Variants in TGFB2 observed in about 807,000 individuals in gnomAD.
The protein encoded by TGFB2 is transforming growth factor beta-2 proprotein.
A neutral mutation model predicts 42.7 loss-of-function variants in TGFB2; 13 were observed. The ratio of observed to expected loss-of-function variants is 0.30; its 90% confidence interval spans 0.20 to 0.48. TGFB2 has a LOEUF of 0.48. TGFB2 is among the 20% of genes least tolerant of loss of function. TGFB2 has a pLI of 0.99. For synonymous variants in TGFB2, 193 were observed against 193.6 expected, an observed-to-expected ratio of 1.00 and a Z score of 0.03; for missense variants, 390 against 517.5, an observed-to-expected ratio of 0.75 and a Z score of 2.39.
At chr1:218,358,707 C>A (rs1333162489) in intron 1 of TGFB2, among the ~76,000 whole-genome samples, 1 of 152,014 alleles carries the variant, frequency 6.6e-6, no homozygotes, top group Non-Finnish European at 1.5e-5. Flanking sequence ...CCCCACCATG[C>A]CCAGCTAATT....
chr1:218,355,938 A>C (rs12079125), intron 1 of TGFB2, among the ~76,000 whole-genome samples: 1,765 of 152,322 alleles, frequency 0.012, 29 homozygotes, highest in East Asian at 0.084. Flanking sequence ...AAATCACATA[A>C]AGGTTTGTGA....
At chr1:218,422,101 C>T (rs1416859229) in intron 2 of TGFB2, among the ~76,000 whole-genome samples, 1 of 152,188 alleles carries the variant, frequency 6.6e-6, no homozygotes, top group Non-Finnish European at 1.5e-5. Context: ...ATCAAGCCAA[C>T]TCTCCCTAAA....
intron 2 of TGFB2, among the ~76,000 whole-genome samples, chr1:218,425,941 A>G (rs1402510517): frequency 6.6e-6 from 1 of 152,262 alleles, no homozygotes; most frequent in Non-Finnish European, 1.5e-5. Flanking sequence ...TTGATTCATC[A>G]TTTGTTCATC....
At chr1:218,435,506 C>A (rs1028023781) in intron 4 of TGFB2, among the ~76,000 whole-genome samples, 3 of 152,176 alleles carry the variant, frequency 2.0e-5, no homozygotes, top group Non-Finnish European at 4.4e-5. Context: ...CACTCCAATT[C>A]AGTTAAGTCT....
chr1:218,394,201 A>G (rs896943415), intron 1 of TGFB2, among the ~76,000 whole-genome samples: 5 of 151,626 alleles, frequency 3.3e-5, no homozygotes, highest in African/African-American at 9.7e-5. Context: ...AAGCCACCGC[A>G]CCCGGCCGGC....
Position 218,346,963 on chromosome 1 carries a change from G to A in TGFB2, c.262G>A (p.Ala88Thr). ...LQEKASRRAA[A>T]CERERSDEEY... ...GGAGAAGGCGAGCCGGAGGGCGGCC[G>A]CCTGCGAGCGCGAGAGGAGCGACGA... Residue 88 changes from alanine (A) to threonine (T), a missense_variant, in exon 1 of 7, where the codon GCC (alanine) becomes ACC (threonine). Coordinates refer to ENST00000366930, the MANE Select transcript of TGFB2 (RefSeq NM_003238.6). The surrounding 1 kb of genome is among the most constrained non-coding windows in gnomAD (Gnocchi z 4.9). 6.2e-7 allele frequency: 1 copy of A among 1,613,892 alleles called. No individual in the cohort carries two copies. Among genetic ancestry groups the A allele is most frequent in the Non-Finnish European group, 8.5e-7 (1 of 1,179,888 alleles).
intron 1 of TGFB2, among the ~76,000 whole-genome samples, chr1:218,371,753 T>G (rs12082184): frequency 0.1 from 15,505 of 152,196 alleles, 2,346 homozygotes; most frequent in African/African-American, 0.33. Flanking sequence ...TTCCATGAGG[T>G]TCTGTAGATG....
At chr1:218,414,241 A>G (rs964264114) in intron 2 of TGFB2, among the ~76,000 whole-genome samples, 2 of 151,944 alleles carry the variant, frequency 1.3e-5, no homozygotes, top group African/African-American at 4.8e-5. Flanking sequence ...ACACACACAC[A>G]CACACACACA....
At chr1:218,425,546 A>G (rs1042273508) in intron 2 of TGFB2, among the ~76,000 whole-genome samples, 1 of 152,194 alleles carries the variant, frequency 6.6e-6, no homozygotes, top group African/African-American at 2.4e-5. Flanking sequence ...AATAAGGGCC[A>G]TGATGTTCAT....
chr1:218,349,777 G>A (rs1656809659), intron 1 of TGFB2, among the ~76,000 whole-genome samples: 1 of 152,162 alleles, frequency 6.6e-6, no homozygotes, highest in Admixed American at 6.5e-5. Flanking sequence ...GGCATATTTT[G>A]TCTTAAATAT....
intron 1 of TGFB2, among the ~76,000 whole-genome samples, chr1:218,401,379 G>T (rs1224358255): frequency 6.6e-6 from 1 of 152,052 alleles, no homozygotes; most frequent in Non-Finnish European, 1.5e-5. Flanking sequence ...GGCATGTGTG[G>T]CCAAGGTTGA....
intron 1 of TGFB2, among the ~76,000 whole-genome samples, chr1:218,376,969 C>T (rs1397213414): frequency 6.6e-6 from 1 of 152,294 alleles, no homozygotes; most frequent in East Asian, 1.9e-4. Context: ...TGATAGCTCA[C>T]TGCAGCCTTG....
rs1001592818 is a variant in TGFB2, at chr1:218,444,299, G to A, written c.*2937G>A. On this transcript the variant is annotated 3_prime_UTR_variant, in exon 7 of 7. Coordinates refer to ENST00000366930, the MANE Select transcript of TGFB2 (RefSeq NM_003238.6). ...CCAGAAAAAATGCAGAGAGATGTTT[G>A]CACCATGCTTTGGCTTTCTGGTTCT... The A allele has an allele frequency of 3.3e-5, 5 of 152,202 alleles. No homozygotes were observed. The highest frequency in any genetic ancestry group is 1.2e-4 in the African/African-American group (5 of 41,430). The allele number at this position is 152,202 out of a possible 1,614,324, so 9.4% of individuals were successfully genotyped here. A position where few individuals can be genotyped will look rare whatever the true frequency, so the allele number is the denominator to read the frequency against.
chr1:218,379,479 C>G (rs1242693449), intron 1 of TGFB2, among the ~76,000 whole-genome samples: 2 of 84,384 alleles, frequency 2.4e-5, no homozygotes, highest in Non-Finnish European at 5.2e-5. Flanking sequence ...TTCTTTCTTT[C>G]TTTCTTTCTT....
At chr1:218,361,577 T>C (rs533024861) in intron 1 of TGFB2, among the ~76,000 whole-genome samples, 23 of 152,240 alleles carry the variant, frequency 1.5e-4, no homozygotes, top group East Asian at 5.8e-4. Flanking sequence ...AAGAAATGCA[T>C]AGGGCCATAG....
chr1:218,382,958 A>G (rs1047960207), intron 1 of TGFB2, among the ~76,000 whole-genome samples: 4 of 152,316 alleles, frequency 2.6e-5, no homozygotes, highest in Admixed American at 2.0e-4. Context: ...ACTCATCTCA[A>G]ATTTTGAAAA....
At chr1:218,437,259 C>T in intron 5 of TGFB2, 84 bp from the exon 6 acceptor site, 1 of 1,299,540 alleles carries the variant, frequency 7.7e-7, no homozygotes, top group Non-Finnish European at 1.0e-6. Context: ...AATCATTTTT[C>T]TGGTTTGGGG....
chr1:218,408,398 C>G lies in TGFB2; in HGVS notation c.510+3066C>G, dbSNP rs572821563. On this transcript the variant is annotated intron_variant, in intron 2 of 6. Transcript: ENST00000366930. The stretch of plus-strand genomic sequence containing the variant: ...ATGATGTGCATGGCTTAGAGTCCCA[C>G]GCTTGAAAGAGGAACGGCCCAAGAT... Among the ~76,000 whole-genome samples the G allele has an allele frequency of 5.9e-5, 9 of 152,206 alleles. No individual in the cohort carries two copies. The East Asian group carries it at 1.3e-3, about 23-fold the overall frequency.
At chr1:218,414,918 C>A (rs1336168819) in intron 2 of TGFB2, among the ~76,000 whole-genome samples, 1 of 152,126 alleles carries the variant, frequency 6.6e-6, no homozygotes, top group Non-Finnish European at 1.5e-5. Flanking sequence ...AGAAGCAGAG[C>A]CAGGATTTGA....
Sources: allele counts gnomAD v4.1 joint callset (sites outside exome capture counted in the v4.1 genomes callset), GRCh38; gene constraint gnomAD v4.1.1; non-coding constraint Gnocchi (gnomAD v3.1); transcripts MANE v1.5; gene names NCBI Gene and HGNC (gene_info 2026-07-23, HGNC 2026-07-21).